Variants in ABTB3 observed in about 807,000 individuals in gnomAD.
ABTB3 encodes ankyrin repeat and BTB domain containing 3.
At chr12:107,502,008 TG>T in the ABTB3 span, among the ~76,000 whole-genome samples, 1 of 151,934 alleles carries the variant, frequency 6.6e-6, no homozygotes, top group African/African-American at 2.4e-5. Flanking sequence ...TGCCACTGCC[TG>T]GGTGATGTCC....
At chr12:107,643,571 C>T in the ABTB3 span, among the ~76,000 whole-genome samples, 1 of 152,000 alleles carries the variant, frequency 6.6e-6, no homozygotes, top group African/African-American at 2.4e-5. Flanking sequence ...TAGGCCCTCC[C>T]CACCATTTTC....
the ABTB3 span, among the ~76,000 whole-genome samples, chr12:107,586,782 G>T: frequency 1.3e-5 from 2 of 152,126 alleles, no homozygotes; most frequent in African/African-American, 4.8e-5. Flanking sequence ...GTGCTTGCCT[G>T]CTCTGTGCTT....
At chr12:107,375,775 A>G in the ABTB3 span, among the ~76,000 whole-genome samples, 1 of 151,946 alleles carries the variant, frequency 6.6e-6, no homozygotes, top group African/African-American at 2.4e-5. Flanking sequence ...TCCCAGCTGG[A>G]CAATTGTTCT....
At chr12:107,426,957 C>A in the ABTB3 span, among the ~76,000 whole-genome samples, 2 of 152,174 alleles carry the variant, frequency 1.3e-5, no homozygotes, top group Admixed American at 6.5e-5. Context: ...CAATTTCATC[C>A]ATTTTCACCC....
the ABTB3 span, chr12:107,642,204 G>C: frequency 6.3e-7 from 1 of 1,586,518 alleles, no homozygotes. Context: ...CCTCTGTGCT[G>C]GTTGGCACAG....
At chr12:107,469,865 CTTTT>C in the ABTB3 span, among the ~76,000 whole-genome samples, 167 of 88,292 alleles carry the variant, frequency 1.9e-3, 3 homozygotes, top group African/African-American at 6.1e-3. Flanking sequence ...TTCTTTCTTT[CTTTT>C]CTTTCTTTCT....
the ABTB3 span, among the ~76,000 whole-genome samples, chr12:107,483,538 C>T: frequency 5.9e-5 from 9 of 152,162 alleles, no homozygotes; most frequent in Non-Finnish European, 1.3e-4. Flanking sequence ...TCCCTTCAGT[C>T]CCCTCCCCTT....
the ABTB3 span, among the ~76,000 whole-genome samples, chr12:107,534,474 A>T: frequency 6.6e-6 from 1 of 152,136 alleles, no homozygotes; most frequent in Non-Finnish European, 1.5e-5. Flanking sequence ...TGAAATAGAG[A>T]CTAAAAAACA....
At chr12:107,579,981 G>C in the ABTB3 span, among the ~76,000 whole-genome samples, 1 of 152,204 alleles carries the variant, frequency 6.6e-6, no homozygotes, top group Admixed American at 6.5e-5. Context: ...TATAGAGCCA[G>C]ATGATTCCCA....
chr12:107,363,558 G>A, the ABTB3 span, among the ~76,000 whole-genome samples: 15 of 152,196 alleles, frequency 9.9e-5, no homozygotes. Flanking sequence ...ACTGAGTAAA[G>A]CAAGAGAAAC....
At chr12:107,320,465 G>A in the ABTB3 span, 2 of 420,060 alleles carry the variant, frequency 4.8e-6, no homozygotes, top group Admixed American at 2.7e-5. Context: ...TTCCCTGGGC[G>A]CATGAATTGG....
chr12:107,637,818 GT>G, the ABTB3 span, among the ~76,000 whole-genome samples: 2 of 149,232 alleles, frequency 1.3e-5, no homozygotes, highest in African/African-American at 4.9e-5. Flanking sequence ...GTGTGTGTGT[GT>G]GTGTGTGTGT....
the ABTB3 span, among the ~76,000 whole-genome samples, chr12:107,424,204 T>C: frequency 6.6e-6 from 1 of 152,196 alleles, no homozygotes; most frequent in Non-Finnish European, 1.5e-5. Flanking sequence ...CCTGGTTACC[T>C]TATCAGTGGC....
At chr12:107,449,226 T>C in the ABTB3 span, among the ~76,000 whole-genome samples, 3 of 152,192 alleles carry the variant, frequency 2.0e-5, no homozygotes, top group African/African-American at 4.8e-5. Context: ...GAAGGTGCTA[T>C]TGGGACTTCT....
chr12:107,318,742 T>TCC, the ABTB3 span: 1 of 613,316 alleles, frequency 1.6e-6, no homozygotes, highest in Admixed American at 3.1e-5. Flanking sequence ...GGAAGATGAC[T>TCC]CCAGGGTCTG....
chr12:107,429,375 C>A, the ABTB3 span, among the ~76,000 whole-genome samples: 1 of 152,190 alleles, frequency 6.6e-6, no homozygotes, highest in Non-Finnish European at 1.5e-5. Context: ...AACTGGTCGA[C>A]CACACTTCTC....
the ABTB3 span, among the ~76,000 whole-genome samples, chr12:107,356,174 C>T: frequency 6.6e-6 from 1 of 152,130 alleles, no homozygotes; most frequent in African/African-American, 2.4e-5. Context: ...TAGGAAATGG[C>T]GTGATATACG....
At chr12:107,332,626 T>C in the ABTB3 span, among the ~76,000 whole-genome samples, 1 of 152,154 alleles carries the variant, frequency 6.6e-6, no homozygotes, top group Admixed American at 6.5e-5. Context: ...ATGTCACCCC[T>C]GTCAGGGGCA....
chr12:107,331,671 C>T, the ABTB3 span, among the ~76,000 whole-genome samples: 25 of 152,156 alleles, frequency 1.6e-4, no homozygotes, highest in Non-Finnish European at 2.6e-4. Context: ...CCTTCCCACC[C>T]GGAAGTCTGC....
Sources: allele counts gnomAD v4.1 joint callset (sites outside exome capture counted in the v4.1 genomes callset), GRCh38; gene constraint gnomAD v4.1.1; transcripts MANE v1.5; gene names NCBI Gene and HGNC (gene_info 2026-07-23, HGNC 2026-07-21).